Variants in FCER1G observed in about 807,000 individuals in gnomAD.
FCER1G encodes high affinity immunoglobulin epsilon receptor subunit gamma.
FCER1G carries 7 observed loss-of-function variants against 17.3 expected under a neutral mutation model. The ratio of observed to expected loss-of-function variants is 0.40; its 90% CI spans 0.23 to 0.76. FCER1G has a LOEUF of 0.76. FCER1G is among the 30% of genes least tolerant of loss of function. The pLI, the probability that FCER1G is intolerant of heterozygous loss-of-function variation, is 0.35. For synonymous variants in FCER1G, 35 were observed against 38.7 expected (o/e 0.90, Z 0.35); for missense variants, 87 against 97.7 (o/e 0.89, Z 0.46).
intron 1 of FCER1G, among the ~76,000 whole-genome samples, chr1:161,217,763 C>T (rs1406143452): frequency 2.6e-5 from 4 of 152,094 alleles, no homozygotes; most frequent in Non-Finnish European, 5.9e-5. Context: ...CGTGTGAGTC[C>T]CATTTCAATA....
At chr1:161,216,116 T>C (rs1666037837) in intron 1 of FCER1G, among the ~76,000 whole-genome samples, 1 of 151,986 alleles carries the variant, frequency 6.6e-6, no homozygotes, top group Admixed American at 6.6e-5. Context: ...GCATTTCCCA[T>C]GGGGTGCCTT....
chr1:161,218,486 G>A (rs540208115), intron 3 of FCER1G, among the ~76,000 whole-genome samples: 11 of 152,280 alleles, frequency 7.2e-5, no homozygotes, highest in Admixed American at 2.0e-4. Context: ...GAGTGATAAA[G>A]AATATGTGAG....
At chr1:161,216,099 A>G (rs907397489) in intron 1 of FCER1G, among the ~76,000 whole-genome samples, 8 of 151,934 alleles carry the variant, frequency 5.3e-5, no homozygotes, top group African/African-American at 1.7e-4. Flanking sequence ...CTCATTTCTC[A>G]TGATGAGCAT....
At chr1:161,216,914 G>T (rs530134226) in intron 1 of FCER1G, among the ~76,000 whole-genome samples, 1 of 152,168 alleles carries the variant, frequency 6.6e-6, no homozygotes, top group Non-Finnish European at 1.5e-5. Context: ...GAGGAGGCCC[G>T]CTGAGGCACA....
intron 2 of FCER1G, 52 bp downstream of exon 2, chr1:161,218,129 C>A: frequency 1.3e-6 from 2 of 1,533,676 alleles, no homozygotes; most frequent in Non-Finnish European, 1.8e-6. Context: ...GGGAGGAGGG[C>A]AGCAGCAAGG....
At chr1:161,216,381 C>CACACACAT (rs1666049501) in intron 1 of FCER1G, among the ~76,000 whole-genome samples, 5 of 111,648 alleles carry the variant, frequency 4.5e-5, no homozygotes, top group African/African-American at 1.9e-4. Context: ...CACACATACA[C>CACACACAT]ACACACACAC....
intron 1 of FCER1G, 114 bp from the exon 2 acceptor site, chr1:161,217,872 A>C: frequency 4.1e-6 from 3 of 734,668 alleles, no homozygotes. Context: ...TTCTTCCCTT[A>C]GACGGCTCCC....
In FCER1G at chr1:161,215,331, G is replaced by A; in HGVS notation, c.10G>A (p.Ala4Thr). Residue 4 changes from alanine to threonine, a missense_variant, in exon 1 of 5, where the codon GCA becomes ACA. Transcript: ENST00000289902. ...CGATCTCCAGCCCAAGATGATTCCA[G>A]CAGTGGTCTTGCTCTTACTCCTTTT... MIP[A>T]VVLLLLLLVE... 1 of 1,613,852 alleles carries A rather than the reference G, an allele frequency of 6.2e-7. No individual in the cohort carries two copies. Among genetic ancestry groups the A allele is most frequent in the East Asian group, 2.2e-5 (1 of 44,866 alleles).
chr1:161,216,361 T>A (rs941518908), intron 1 of FCER1G, among the ~76,000 whole-genome samples: 6 of 137,496 alleles, frequency 4.4e-5, no homozygotes, highest in African/African-American at 1.7e-4. Context: ...TCTATCTATA[T>A]ACACACACAC....
chr1:161,216,427 T>TATAGAG (rs1553250803), intron 1 of FCER1G, among the ~76,000 whole-genome samples: 133 of 136,132 alleles, frequency 9.8e-4, no homozygotes, highest in South Asian at 2.5e-3. Context: ...TATATATATA[T>TATAGAG]AGAGAGAGAG....
chr1:161,215,794 T>C (rs1034371758), intron 1 of FCER1G, among the ~76,000 whole-genome samples: 2 of 152,076 alleles, frequency 1.3e-5, no homozygotes, highest in African/African-American at 2.4e-5. Flanking sequence ...GGTTTCGTCA[T>C]GTTGACCAGG....
At position 161,215,333 on chromosome 1, in the gene FCER1G, A is replaced by AGTG. The variant is rs771792415; in HGVS notation, c.15_17dup (p.Val6dup). 6.2e-7 allele frequency: 1 copy of AGTG among 1,613,816 alleles called. No individual in the cohort carries two copies. Among genetic ancestry groups the AGTG allele is most frequent in the East Asian group, 2.2e-5 (1 of 44,860 alleles). ...ATCTCCAGCCCAAGATGATTCCAGC[A>AGTG]GTGGTCTTGCTCTTACTCCTTTTGG... On this transcript the variant is annotated inframe_insertion, in exon 1 of 5. Coordinates refer to ENST00000289902, the MANE Select transcript of FCER1G (RefSeq NM_004106.2).
intron 1 of FCER1G, among the ~76,000 whole-genome samples, chr1:161,215,790 G>A (rs895853103): frequency 2.0e-5 from 3 of 151,948 alleles, no homozygotes; most frequent in Admixed American, 2.0e-4. Context: ...ACCGGGTTTC[G>A]TCATGTTGAC....
At chr1:161,216,411 C>CACATATAT (rs1491150470) in intron 1 of FCER1G, among the ~76,000 whole-genome samples, 22 of 129,816 alleles carry the variant, frequency 1.7e-4, no homozygotes, top group Non-Finnish European at 3.4e-4. Flanking sequence ...CACACACACA[C>CACATATAT]ATATATATAT....
In FCER1G at chr1:161,218,051, C is replaced by G. The variant is rs1318149677; in HGVS notation, c.115C>G (p.Leu39Val). The G allele has an allele frequency of 6.2e-7, 1 of 1,613,794 alleles. No individual in the cohort carries two copies. Among genetic ancestry groups the G allele is most frequent in the South Asian group, 1.1e-5 (1 of 91,084 alleles). The change falls in exon 2 of 5, where the codon CTC becomes GTC. Residue 39 changes from leucine to valine, a missense_variant. Leu to Val is a conservative substitution (Grantham distance 32, BLOSUM62 1). Transcript: ENST00000289902. ...DAILFLYGIV[L>V]TLLYCRLKIQ... ...CATCCTGTTTCTGTATGGAATTGTCCTCACCCTCCTCTACTGTCGACTGAA... is the reference window on the plus strand; with the variant it reads ...CATCCTGTTTCTGTATGGAATTGTCGTCACCCTCCTCTACTGTCGACTGAA...
chr1:161,216,704 C>G (rs891342377), intron 1 of FCER1G, among the ~76,000 whole-genome samples: 1 of 152,084 alleles, frequency 6.6e-6, no homozygotes, highest in Non-Finnish European at 1.5e-5. Context: ...TCTCACTCCT[C>G]GTTCACTCTG....
chr1:161,217,918 C>A, intron 1 of FCER1G, 68 bp from the exon 2 acceptor site: 1 of 1,083,386 alleles, frequency 9.2e-7, no homozygotes, highest in Non-Finnish European at 1.4e-6. Context: ...AGCCCCTTCC[C>A]TTCTCTCCTC....
intron 4 of FCER1G, 73 bp from the exon 5 acceptor site, chr1:161,218,808 G>A (rs1480065093): frequency 6.3e-7 from 1 of 1,583,186 alleles, no homozygotes; most frequent in African/African-American, 1.3e-5. Context: ...GTGGGGGGAG[G>A]GGGGTCCTGT....
At chr1:161,218,110 A>G (rs747384938) in intron 2 of FCER1G, 33 bp downstream of exon 2, 16 of 1,570,310 alleles carry the variant, frequency 1.0e-5, no homozygotes, top group African/African-American at 1.4e-5. Flanking sequence ...AAGGGCTGGA[A>G]GGGGAAGTGG....
Sources: gnomAD v4.1 joint callset for allele counts (sites outside exome capture counted in the v4.1 genomes callset) on GRCh38, gnomAD v4.1.1 for gene constraint, MANE v1.5 for transcripts, NCBI Gene and HGNC (gene_info 2026-07-23, HGNC 2026-07-21) for gene names.